Variants in LDB3 observed in about 807,000 individuals in gnomAD.
The protein encoded by LDB3 is LIM domain binding 3, also known as LIM domain-binding protein 3.
A neutral mutation model predicts 69.0 loss-of-function variants in LDB3; 49 were observed. That is an observed-to-expected ratio of 0.71 (90% confidence interval 0.56 to 0.90). The LOEUF (loss-of-function observed/expected upper bound fraction) is 0.90, where lower values mean the gene tolerates loss of function less well. Ranked by LOEUF, LDB3 falls within the 40% of genes least tolerant of loss-of-function variation. The probability of loss-of-function intolerance (pLI) is 0.00; values close to 1 mark genes in which losing one functional copy is unlikely to be tolerated. For synonymous variants in LDB3, 387 were observed against 396.2 expected (o/e 0.98, Z 0.28); for missense variants, 928 against 974.1 (o/e 0.95, Z 0.63).
At position 86,668,792 on chromosome 10, in the gene LDB3, C is replaced by T; in HGVS notation, c.93+8C>T. 1 of 1,607,492 alleles carries T rather than the reference C, an allele frequency of 6.2e-7. No individual in the cohort carries two copies. Among genetic ancestry groups the T allele is most frequent in the Non-Finnish European group, 8.5e-7 (1 of 1,174,910 alleles). Reference sequence around the variant, plus strand: ...CCCCTCACTATCTCCCGGGTGAGTGCACCCTGCCACAGCCTGGCACCCGAT... The same window carrying T: ...CCCCTCACTATCTCCCGGGTGAGTGTACCCTGCCACAGCCTGGCACCCGAT... On this transcript the variant is annotated splice_region_variant and intron_variant, in intron 2 of 13. Coordinates refer to ENST00000361373, the MANE Select transcript of LDB3 (RefSeq NM_007078.3).
At chr10:86,687,019 G>A (rs1198927113) in intron 5 of LDB3, 1 of 1,572,060 alleles carries the variant, frequency 6.4e-7, no homozygotes, top group Admixed American at 1.7e-5. Context: ...GCCACCTGTT[G>A]CCCTTTTCTC....
At chr10:86,700,165 A>G (rs1589657470) in intron 7 of LDB3, 2 of 664,400 alleles carry the variant, frequency 3.0e-6, no homozygotes, top group African/African-American at 2.0e-5. Context: ...GGCTGTGTCC[A>G]CCGGCCCCAG....
chr10:86,676,920 C>G (rs940641360), intron 2 of LDB3, among the ~76,000 whole-genome samples: 2 of 152,264 alleles, frequency 1.3e-5, no homozygotes, highest in African/African-American at 4.8e-5. Flanking sequence ...GGGCAAGGGA[C>G]TGTCCCCAGA....
At chr10:86,701,153 C>T (rs377457799) in intron 7 of LDB3, among the ~76,000 whole-genome samples, 5 of 152,218 alleles carry the variant, frequency 3.3e-5, no homozygotes, top group Admixed American at 1.3e-4. Flanking sequence ...GTCTGATGCC[C>T]GGGCCAGGCA....
intron 13 of LDB3, among the ~76,000 whole-genome samples, chr10:86,730,296 C>T (rs184916417): frequency 9.8e-5 from 15 of 152,296 alleles, no homozygotes; most frequent in African/African-American, 2.9e-4. Context: ...GGGGACTCCA[C>T]GTGCACTCCT....
intron 9 of LDB3, among the ~76,000 whole-genome samples, chr10:86,715,866 C>T (rs1323577530): frequency 6.6e-6 from 1 of 152,182 alleles, no homozygotes; most frequent in African/African-American, 2.4e-5. Context: ...TGAGGGCTGA[C>T]CTAGGTCCAG....
intron 5 of LDB3, chr10:86,685,851 C>T: frequency 1.1e-6 from 1 of 951,476 alleles, no homozygotes; most frequent in South Asian, 1.3e-5. Flanking sequence ...CTGGGTGAGC[C>T]TGCATGTGTG....
chr10:86,706,486 T>C (rs745813670), intron 7 of LDB3, 45 bp from the exon 8 acceptor site: 21 of 1,604,982 alleles, frequency 1.3e-5, no homozygotes, highest in Middle Eastern at 1.6e-4. Flanking sequence ...TCACAGGGTC[T>C]CTAGGCTCCC....
At chr10:86,685,126 G>A (rs1845392293) in intron 5 of LDB3, among the ~76,000 whole-genome samples, 1 of 152,288 alleles carries the variant, frequency 6.6e-6, no homozygotes, top group South Asian at 2.1e-4. Context: ...TCTTCTGGGA[G>A]GGAGAGGAGG....
chr10:86,716,409 C>A lies in LDB3; in HGVS notation c.1314C>A (p.Thr438=), dbSNP rs752958929. Reference sequence around the variant, plus strand: ...CCCCCTCCCCTGCCCCTGCCTACACCCCCTCCCCTGCCCCTGCCTACACCC... The same window carrying A: ...CCCCCTCCCCTGCCCCTGCCTACACACCCTCCCCTGCCCCTGCCTACACCC... ...PYTPSPAPAY[T]PSPAPAYTPS... The change falls in exon 10 of 14, where the codon ACC becomes ACA. Residue 438 remains threonine (T), a synonymous_variant. Coordinates refer to ENST00000361373, the MANE Select transcript of LDB3 (RefSeq NM_007078.3). 5 of 1,546,018 alleles carry A rather than the reference C, an allele frequency of 3.2e-6. No individual in the cohort carries two copies. The Admixed American group carries it at 9.6e-5, about 30-fold the overall frequency.
At chr10:86,712,349 G>A (rs1846701346) in intron 9 of LDB3, among the ~76,000 whole-genome samples, 1 of 152,262 alleles carries the variant, frequency 6.6e-6, no homozygotes, top group African/African-American at 2.4e-5. Flanking sequence ...TGCCAGGCAG[G>A]GGGAATAGGG....
chr10:86,694,117 C>T (rs2675691), intron 7 of LDB3, among the ~76,000 whole-genome samples: 139,824 of 152,270 alleles, frequency 0.92, 64,602 homozygotes, highest in East Asian at 0.96. Context: ...GAAAGAGTAC[C>T]GTGGAAGTGC....
At chr10:86,717,144 G>C (rs1399178427) in intron 10 of LDB3, among the ~76,000 whole-genome samples, 1 of 152,168 alleles carries the variant, frequency 6.6e-6, no homozygotes. Context: ...CTTTAGGGTT[G>C]TTTCTGGGTC....
chr10:86,708,698 G>A (rs532829123), intron 8 of LDB3, among the ~76,000 whole-genome samples: 232 of 152,302 alleles, frequency 1.5e-3, no homozygotes, highest in African/African-American at 5.0e-3. Context: ...CCAGAAACTC[G>A]GCAGCTTGAC....
At chr10:86,715,473 A>G (rs377267071) in intron 9 of LDB3, among the ~76,000 whole-genome samples, 14 of 152,156 alleles carry the variant, frequency 9.2e-5, no homozygotes, top group East Asian at 3.9e-4. Context: ...CTGTGAGCCC[A>G]AAACGTTTTT....
intron 8 of LDB3, among the ~76,000 whole-genome samples, chr10:86,706,952 C>T (rs537450929): frequency 1.1e-4 from 17 of 152,294 alleles, no homozygotes; most frequent in South Asian, 6.2e-4. Context: ...ACACATACAC[C>T]GGTGAGAGAG....
chr10:86,709,983 C>T lies in LDB3; in HGVS notation c.1164C>T (p.Pro388=), dbSNP rs780108812. The T allele has an allele frequency of 1.4e-5, 22 of 1,613,090 alleles. No individual in the cohort carries two copies. The East Asian group carries it at 1.6e-4, about 11-fold the overall frequency. ...CCCACACCAGCTACAGTGAGGGCCC[C>T]GCCGCCCCTGCACCCAAGCCCCGGG... is the stretch of plus-strand genomic sequence containing the variant. ...PATHTSYSEG[P]AAPAPKPRVV... Residue 388 remains proline (P), a synonymous_variant, in exon 9 of 14, where the codon CCC becomes CCT. Coordinates refer to ENST00000361373, the MANE Select transcript of LDB3 (RefSeq NM_007078.3).
At chr10:86,683,438 T>A (rs754487247) in intron 5 of LDB3, among the ~76,000 whole-genome samples, 9 of 152,220 alleles carry the variant, frequency 5.9e-5, no homozygotes, top group Non-Finnish European at 1.3e-4. Flanking sequence ...GGCATGCAGG[T>A]CTGCCTGACT....
rs961629553 is a variant in LDB3, at chr10:86,709,778, T to A, written c.1086-127T>A. 3.9e-6 allele frequency: 4 copies of A among 1,012,794 alleles called. No individual in the cohort carries two copies. The African/African-American group carries it at 4.8e-5, about 12-fold the overall frequency. 62.7% of individuals were successfully genotyped at this position (1,012,794 alleles called of 1,614,324 possible). A position where few individuals can be genotyped will look rare whatever the true frequency, so the allele number is the denominator to read the frequency against. ...TCCTTCCTTCACAGTTTCTGGCAGT[T>A]CCCCAGAAATGTCTCTGTCAGGTGT... On this transcript the variant is annotated intron_variant, in intron 8 of 13. Coordinates refer to ENST00000361373, the MANE Select transcript of LDB3 (RefSeq NM_007078.3).
Sources: allele counts gnomAD v4.1 joint callset (sites outside exome capture counted in the v4.1 genomes callset), GRCh38; gene constraint gnomAD v4.1.1; transcripts MANE v1.5; gene names NCBI Gene and HGNC (gene_info 2026-07-23, HGNC 2026-07-21).